Variants in TRIM37 observed in about 807,000 individuals in gnomAD.
TRIM37 encodes E3 ubiquitin-protein ligase TRIM37.
TRIM37 carries 80 observed loss-of-function variants against 129.8 expected under a neutral mutation model. That is an observed-to-expected ratio of 0.62 (90% CI 0.51 to 0.74). The LOEUF is 0.74. Ranked by LOEUF, TRIM37 falls within the 30% of genes least tolerant of loss-of-function variation. TRIM37 has a pLI of 0.00. For missense variants in TRIM37, 1,054 were observed against 1,176.5 expected (o/e 0.90, Z 1.52); for synonymous variants, 389 against 387.1 (o/e 1.00, Z -0.06).
chr17:59,045,634 G>A (rs1197442894), intron 16 of TRIM37, among the ~76,000 whole-genome samples: 6 of 141,444 alleles, frequency 4.2e-5, no homozygotes, highest in Non-Finnish European at 9.2e-5. Context: ...GCGAAACTCC[G>A]TCACAAAAAA....
chr17:59,064,700 G>A (rs1292981987), intron 9 of TRIM37, among the ~76,000 whole-genome samples: 1 of 152,132 alleles, frequency 6.6e-6, no homozygotes, highest in African/African-American at 2.4e-5. Flanking sequence ...TCTGAGGTCG[G>A]GAGCTCAAGA....
chr17:59,096,392 A>G (rs2044870622), intron 2 of TRIM37, among the ~76,000 whole-genome samples: 1 of 151,942 alleles, frequency 6.6e-6, no homozygotes, highest in Non-Finnish European at 1.5e-5. Flanking sequence ...CCTCTACTAA[A>G]AATATAAAAA....
chr17:58,985,103 TAA>T (rs2031675082), intron 24 of TRIM37: 4 of 152,684 alleles, frequency 2.6e-5, no homozygotes, highest in Non-Finnish European at 5.9e-5. Flanking sequence ...CATATTTTAT[TAA>T]AAGTGTTCAT....
chr17:59,056,139 C>T (rs182891735), intron 13 of TRIM37, among the ~76,000 whole-genome samples: 5 of 152,232 alleles, frequency 3.3e-5, no homozygotes, highest in African/African-American at 1.2e-4. Context: ...GGTGAGGTCA[C>T]TAGAAGTTCA....
At chr17:59,054,220 T>A (rs8069033) in intron 13 of TRIM37, among the ~76,000 whole-genome samples, 53,006 of 152,170 alleles carry the variant, frequency 0.35, 9,871 homozygotes, top group East Asian at 0.53. Context: ...GAACATATTT[T>A]AATCTTTTTT....
chr17:59,075,857 A>T, intron 7 of TRIM37, 143 bp from the exon 8 acceptor site: 1 of 676,222 alleles, frequency 1.5e-6, no homozygotes, highest in Non-Finnish European at 2.6e-6. Context: ...AAAAATTCTC[A>T]TTCAACTTTA....
chr17:59,033,769 G>C (rs911721826), intron 17 of TRIM37, among the ~76,000 whole-genome samples: 2 of 151,766 alleles, frequency 1.3e-5, no homozygotes, highest in African/African-American at 2.4e-5. Context: ...TGGGTTGTAT[G>C]TCAGTCAGCT....
the TRIM37 span, among the ~76,000 whole-genome samples, chr17:58,977,244 A>T: frequency 3.9e-5 from 6 of 152,124 alleles, no homozygotes; most frequent in African/African-American, 7.2e-5. Flanking sequence ...GGAGTTCAAG[A>T]CCAGCCTGAC....
At chr17:59,042,983 A>ATAAGCTTAAAACACTACATGTAGTGT (rs1285951760) in intron 16 of TRIM37, among the ~76,000 whole-genome samples, 1 of 152,186 alleles carries the variant, frequency 6.6e-6, no homozygotes, top group South Asian at 2.1e-4. Context: ...CTTAATGGCA[A>ATAAGCTTAAAACACTACATGTAGTGT]TAAGCTTAAA....
In TRIM37 at chr17:59,001,486, A is replaced by C. The variant is rs900635763; in HGVS notation, c.2812+112T>G. 370 of 1,343,064 alleles carry C rather than the reference A, an allele frequency of 2.8e-4. 2 individuals are homozygous for C. Among genetic ancestry groups the C allele is most frequent in the South Asian group, 9.0e-4 (71 of 78,822 alleles). 83.2% of individuals were successfully genotyped at this position (1,343,064 alleles called of 1,614,324 possible). A position where few individuals can be genotyped will look rare whatever the true frequency, so the allele number is the denominator to read the frequency against. On this transcript the variant is annotated intron_variant, in intron 23 of 23. Coordinates refer to ENST00000262294, the MANE Select transcript of TRIM37 (RefSeq NM_015294.6). ...AAAAAAAAAGAAGTAGAAGCAGAAG[A>C]AGCAAAAGCAGTAGAGCGGAAAAAG...
In TRIM37 at chr17:59,007,810, C is replaced by A. The variant is rs114225276; in HGVS notation, c.2695+4518G>T. ...GATGCTTAAGAGCAATTAAGAGACA[C>A]TTTAGTAGTCCCAAATTCCCAGCCA... On this transcript the variant is annotated intron_variant, in intron 22 of 23. Coordinates refer to ENST00000262294, the MANE Select transcript of TRIM37 (RefSeq NM_015294.6). Among the ~76,000 whole-genome samples the A allele has an allele frequency of 4.9e-3, 741 of 152,294 alleles. 2 individuals are homozygous for A. Among genetic ancestry groups the A allele is most frequent in the African/African-American group, 0.017 (719 of 41,552 alleles).
In TRIM37 at chr17:59,011,172, G is replaced by GA. The variant is rs111571536; in HGVS notation, c.2695+1155dup. On this transcript the variant is annotated intron_variant, in intron 22 of 23. Coordinates refer to ENST00000262294, the MANE Select transcript of TRIM37 (RefSeq NM_015294.6). ...CAACAGAGCTAGACTCCGTCTCGGGGAAAAAAAAAAAACAACAGAAAAAGA... is the reference window on the plus strand; with the variant it reads ...CAACAGAGCTAGACTCCGTCTCGGGGAAAAAAAAAAAAACAACAGAAAAAGA... Among the ~76,000 whole-genome samples the GA allele has an allele frequency of 4.0e-3, 562 of 139,398 alleles. 2 individuals are homozygous for GA. Among genetic ancestry groups the GA allele is most frequent in the African/African-American group, 9.7e-3 (370 of 38,338 alleles). The allele number at this position is 139,398 out of a possible 152,430, so 91.5% of individuals were successfully genotyped here.
chr17:58,980,208 C>T, downstream of TRIM37: 2 of 1,614,026 alleles, frequency 1.2e-6, no homozygotes, highest in Non-Finnish European at 1.7e-6. The surrounding 1 kb of genome is among the most constrained non-coding windows in gnomAD (Gnocchi z 4.7). Flanking sequence ...GATAACATCA[C>T]GGTTATTGTG....
chr17:59,052,751 T>C (rs1261257413), intron 13 of TRIM37, among the ~76,000 whole-genome samples: 1 of 152,046 alleles, frequency 6.6e-6, no homozygotes, highest in African/African-American at 2.4e-5. Context: ...GGTCAGGAGT[T>C]CGAGACCAGC....
chr17:59,041,777 C>T, intron 17 of TRIM37, 36 bp downstream of exon 17: 5 of 1,496,068 alleles, frequency 3.3e-6, no homozygotes, highest in Non-Finnish European at 4.7e-6. Context: ...AGAGAGAAAA[C>T]AGAATGGCTT....
intron 13 of TRIM37, among the ~76,000 whole-genome samples, chr17:59,054,407 T>G (rs1026303653): frequency 6.6e-6 from 1 of 151,978 alleles, no homozygotes; most frequent in Non-Finnish European, 1.5e-5. Flanking sequence ...ACTCAAGCGA[T>G]TCAACTGCCT....
chr17:59,021,648 G>A (rs1164467166), intron 19 of TRIM37, among the ~76,000 whole-genome samples: 1 of 151,986 alleles, frequency 6.6e-6, no homozygotes, highest in South Asian at 2.1e-4. Flanking sequence ...TGGCTGGGGG[G>A]ATGGTTAATG....
downstream of TRIM37, among the ~76,000 whole-genome samples, chr17:58,978,443 G>A (rs956270772): frequency 1.3e-5 from 2 of 152,188 alleles, no homozygotes; most frequent in African/African-American, 4.8e-5. Flanking sequence ...AGATGCGGTG[G>A]CTCATGCCTG....
intron 16 of TRIM37, among the ~76,000 whole-genome samples, chr17:59,042,449 A>AAATATAT (rs1555661494): frequency 2.8e-5 from 1 of 36,036 alleles, no homozygotes; most frequent in African/African-American, 1.1e-4. Flanking sequence ...AAAAAAAAAA[A>AAATATAT]ATATATATAT....
Sources: gnomAD v4.1 joint callset for allele counts (sites outside exome capture counted in the v4.1 genomes callset) on GRCh38, gnomAD v4.1.1 for gene constraint, Gnocchi (gnomAD v3.1) non-coding constraint, MANE v1.5 for transcripts, NCBI Gene and HGNC (gene_info 2026-07-23, HGNC 2026-07-21) for gene names.